LRSAM1: variants seen among roughly 807,000 people sequenced by gnomAD.
LRSAM1 encodes E3 ubiquitin-protein ligase LRSAM1.
LRSAM1 carries 96 observed loss-of-function variants against 118.1 expected under a neutral mutation model. The ratio of observed to expected loss-of-function variants is 0.81; its 90% CI spans 0.69 to 0.96. LRSAM1 has a LOEUF of 0.96. Ranked by LOEUF, LRSAM1 falls within the 40% of genes least tolerant of loss-of-function variation. LRSAM1 has a pLI of 0.00. For missense variants in LRSAM1, 804 were observed against 915.5 expected (o/e 0.88, Z 1.57); for synonymous variants, 322 against 364.2 (o/e 0.88, Z 1.32).
At chr9:127,488,723 A>T (rs551018294) in intron 18 of LRSAM1, among the ~76,000 whole-genome samples, 1 of 151,102 alleles carries the variant, frequency 6.6e-6, no homozygotes, top group Admixed American at 6.6e-5. Context: ...CCTCCTGAGT[A>T]GCGGAGACCA....
At chr9:127,466,485 TATATATATATATATATATA>T (rs1200185245) in intron 9 of LRSAM1, among the ~76,000 whole-genome samples, 4 of 24,024 alleles carry the variant, frequency 1.7e-4, no homozygotes, top group Non-Finnish European at 2.6e-4. Flanking sequence ...CATATATATA[TATATATATATATATATATA>T]TTTTTTTTTT....
At chr9:127,501,753 T>A (rs1304337881) in intron 25 of LRSAM1, among the ~76,000 whole-genome samples, 1 of 152,122 alleles carries the variant, frequency 6.6e-6, no homozygotes, top group African/African-American at 2.4e-5. Flanking sequence ...AAAATCATCT[T>A]TTAAAAATTC....
At chr9:127,482,548 A>T (rs1835579706) in intron 15 of LRSAM1, among the ~76,000 whole-genome samples, 2 of 152,224 alleles carry the variant, frequency 1.3e-5, no homozygotes, top group African/African-American at 4.8e-5. Flanking sequence ...AGTGTAGGAA[A>T]GTGCCCATTT....
At chr9:127,487,499 T>TG (rs1180160866) in intron 17 of LRSAM1, 177 bp from the exon 18 acceptor site, 1 of 604,988 alleles carries the variant, frequency 1.7e-6, no homozygotes, top group Admixed American at 2.3e-5. Flanking sequence ...CTCCAGGCCA[T>TG]GGGATTCAGA....
chr9:127,498,667 A>G (rs1243127196), intron 24 of LRSAM1, among the ~76,000 whole-genome samples: 4 of 152,226 alleles, frequency 2.6e-5, no homozygotes, highest in African/African-American at 9.6e-5. Context: ...GGAAGGGGCC[A>G]TGGTGGGATC....
At chr9:127,478,761 G>C (rs1257581238) in intron 11 of LRSAM1, among the ~76,000 whole-genome samples, 173 bp from the exon 12 acceptor site, 1 of 152,156 alleles carries the variant, frequency 6.6e-6, no homozygotes, top group Non-Finnish European at 1.5e-5. Flanking sequence ...GAACCACCTG[G>C]TGCCCTTGAT....
chr9:127,463,038 A>C (rs905205342), intron 9 of LRSAM1, among the ~76,000 whole-genome samples: 1 of 151,794 alleles, frequency 6.6e-6, no homozygotes, highest in African/African-American at 2.4e-5. Context: ...TCTACTAAAA[A>C]TACAAGAAAT....
Position 127,501,036 on chromosome 9 carries a change from G to T in LRSAM1, c.1939G>T (p.Val647Phe), listed in dbSNP as rs879254326. ...GCTGAAACCACCAATGGGTGAGGTC[G>T]TCACCCCTACGGCCCCCCAGGAGCC... Reference protein sequence around the residue: ...PELKPPMGEVVTPTAPQEPPE... With the variant: ...PELKPPMGEVFTPTAPQEPPE... Residue 647 changes from valine to phenylalanine, a missense_variant, in exon 25 of 26, where the codon GTC (valine) becomes TTC (phenylalanine). Val to Phe is a conservative substitution (Grantham distance 50, BLOSUM62 -1). Coordinates refer to ENST00000300417, the MANE Select transcript of LRSAM1 (RefSeq NM_001005373.4). 2 of 1,613,820 alleles carry T rather than the reference G, an allele frequency of 1.2e-6. No individual in the cohort carries two copies. The highest frequency in any genetic ancestry group is 1.7e-6 in the Non-Finnish European group (2 of 1,180,016).
intron 2 of LRSAM1, among the ~76,000 whole-genome samples, chr9:127,452,570 G>A (rs1834365349): frequency 6.6e-6 from 1 of 152,186 alleles, no homozygotes; most frequent in Admixed American, 6.5e-5. Flanking sequence ...TTGCATGTGG[G>A]TTGCTTTGTG....
intron 21 of LRSAM1, 99 bp from the exon 22 acceptor site, chr9:127,495,221 G>A: frequency 9.0e-7 from 1 of 1,109,120 alleles, no homozygotes; most frequent in South Asian, 1.3e-5. Context: ...CCAAAGTGCT[G>A]GGATTACAGG....
At chr9:127,485,412 G>T (rs575723153) in intron 16 of LRSAM1, among the ~76,000 whole-genome samples, 2 of 151,858 alleles carry the variant, frequency 1.3e-5, no homozygotes, top group Non-Finnish European at 2.9e-5. Flanking sequence ...AAAAAATTAG[G>T]CGGGCGTGGT....
chr9:127,493,123 G>A (rs776169634), intron 21 of LRSAM1, among the ~76,000 whole-genome samples: 65 of 152,272 alleles, frequency 4.3e-4, no homozygotes, highest in South Asian at 2.3e-3. Context: ...GTGCAGTGGC[G>A]CAATCTCAGC....
intron 19 of LRSAM1, among the ~76,000 whole-genome samples, chr9:127,490,033 C>T (rs1317844): frequency 0.12 from 18,824 of 152,154 alleles, 1,385 homozygotes; most frequent in Middle Eastern, 0.16. Context: ...TCCTCTTAGA[C>T]CCTCCCTCAT....
intron 21 of LRSAM1, 55 bp from the exon 22 acceptor site, chr9:127,495,265 A>C: frequency 6.5e-7 from 1 of 1,547,526 alleles, no homozygotes; most frequent in Non-Finnish European, 8.9e-7. Flanking sequence ...CATCATTGTT[A>C]TTACAGGTTT....
At position 127,454,748 on chromosome 9, in the gene LRSAM1, G is replaced by A. The variant is rs1834453062; in HGVS notation, c.72+149G>A. 6.5e-5 allele frequency: 61 copies of A among 936,342 alleles called. 1 individual carries two copies. In the South Asian group the frequency reaches 8.5e-4, roughly 13 times the overall value. The allele number at this position is 936,342 out of a possible 1,614,324, so 58.0% of individuals were successfully genotyped here. On this transcript the variant is annotated intron_variant, in intron 3 of 25. Coordinates refer to ENST00000300417, the MANE Select transcript of LRSAM1 (RefSeq NM_001005373.4). ...AATATTTGACTTAGACCCAACAGAT[G>A]AGGCCCCCTGCCAAGGGTGCTTCTC...
In LRSAM1 at chr9:127,489,495, A is replaced by C; in HGVS notation, c.1399A>C (p.Met467Leu). Residue 467 changes from methionine to leucine, a missense_variant, in exon 19 of 26, where the codon ATG becomes CTG. Transcript: ENST00000300417. ...FEALQVKKDL[M>L]HRQIRSQIKL... is the part of the protein sequence containing the mutation. ...GGCACTCCAGGTGAAGAAAGACCTGATGCATCGGCAGATCAGGAGCCAGGT... is the reference window on the plus strand; with the variant it reads ...GGCACTCCAGGTGAAGAAAGACCTGCTGCATCGGCAGATCAGGAGCCAGGT... 6.2e-7 allele frequency: 1 copy of C among 1,609,674 alleles called. No individual in the cohort carries two copies. Among genetic ancestry groups the C allele is most frequent in the South Asian group, 1.1e-5 (1 of 89,728 alleles).
At chr9:127,458,765 T>G (rs1009987728) in intron 6 of LRSAM1, among the ~76,000 whole-genome samples, 4 of 152,186 alleles carry the variant, frequency 2.6e-5, no homozygotes, top group African/African-American at 9.7e-5. Context: ...GCATACTGTT[T>G]TATAGCATAG....
intron 14 of LRSAM1, among the ~76,000 whole-genome samples, chr9:127,480,374 C>T (rs879528244): frequency 1.9e-4 from 29 of 152,112 alleles, no homozygotes; most frequent in South Asian, 6.2e-4. Flanking sequence ...CTTAACAAAC[C>T]CTGTGCAAGG....
chr9:127,487,904 G>T (rs540001114), intron 18 of LRSAM1, 141 bp downstream of exon 18: 3 of 502,858 alleles, frequency 6.0e-6, no homozygotes, highest in Non-Finnish European at 3.5e-6. Context: ...GTGTACAAGT[G>T]ATCAGGGTGA....
Sources: gnomAD v4.1 joint callset for allele counts (sites outside exome capture counted in the v4.1 genomes callset) on GRCh38, gnomAD v4.1.1 for gene constraint, MANE v1.5 for transcripts, NCBI Gene and HGNC (gene_info 2026-07-23, HGNC 2026-07-21) for gene names.